Variants in MAPK6 observed in about 807,000 individuals in gnomAD.
MAPK6 encodes mitogen-activated protein kinase 6, also known as ERK-3.
A neutral mutation model predicts 59.3 loss-of-function variants in MAPK6; 19 were observed. That is an observed-to-expected ratio of 0.32 (90% CI 0.22 to 0.47). MAPK6 has a LOEUF of 0.47. Ranked by LOEUF, MAPK6 falls within the 20% of genes least tolerant of loss-of-function variation. The probability of loss-of-function intolerance (pLI) is 1.00; values close to 1 mark genes in which losing one functional copy is unlikely to be tolerated. For missense variants in MAPK6, 724 were observed against 847.9 expected, an observed-to-expected ratio of 0.85 and a Z score of 1.81; for synonymous variants, 316 against 290.3, an observed-to-expected ratio of 1.09 and a Z score of -0.90.
chr15:52,028,866 A>G (rs888605158), intron 1 of MAPK6, among the ~76,000 whole-genome samples: 11 of 152,136 alleles, frequency 7.2e-5, no homozygotes, highest in Non-Finnish European at 1.3e-4. Flanking sequence ...CATTCTTACC[A>G]CTAAAACTAC....
intron 2 of MAPK6, among the ~76,000 whole-genome samples, chr15:51,995,859 C>T (rs1446906632): frequency 6.6e-6 from 1 of 151,822 alleles, no homozygotes; most frequent in Non-Finnish European, 1.5e-5. Flanking sequence ...ACCCGGGAGG[C>T]AGAGGTGGCA....
intron 1 of MAPK6, among the ~76,000 whole-genome samples, chr15:52,023,997 A>G (rs1027464455): frequency 6.6e-6 from 1 of 152,234 alleles, no homozygotes; most frequent in African/African-American, 2.4e-5. Flanking sequence ...GAATGTTTGT[A>G]TAGCAAATAC....
At chr15:51,996,454 G>T (rs1378378169) in intron 2 of MAPK6, among the ~76,000 whole-genome samples, 1 of 152,034 alleles carries the variant, frequency 6.6e-6, no homozygotes, top group Non-Finnish European at 1.5e-5. Flanking sequence ...GGAGTGCAGT[G>T]GTGCAATCTT....
chr15:52,042,750 A>G (rs2031466999), intron 1 of MAPK6: 1 of 152,198 alleles, frequency 6.6e-6, no homozygotes, highest in Non-Finnish European at 1.5e-5. Flanking sequence ...TCATTTGTCT[A>G]TAGAACTGAC....
chr15:52,022,137 A>G (rs531179478), intron 1 of MAPK6, among the ~76,000 whole-genome samples: 31 of 152,320 alleles, frequency 2.0e-4, no homozygotes, highest in African/African-American at 7.5e-4. Flanking sequence ...CAGTCTGGGC[A>G]ACATAACGAG....
chr15:52,061,614 A>AATTAAAATT, intron 5 of MAPK6, 114 bp downstream of exon 5: 1 of 824,214 alleles, frequency 1.2e-6, no homozygotes, highest in Non-Finnish European at 1.9e-6. Context: ...AAAATTTAGT[A>AATTAAAATT]ATGTAAAGAT....
chr15:52,026,229 G>A (rs2030768831), intron 1 of MAPK6, among the ~76,000 whole-genome samples: 1 of 152,168 alleles, frequency 6.6e-6, no homozygotes, highest in African/African-American at 2.4e-5. Flanking sequence ...AGATTGATCT[G>A]CTGTTTATGT....
rs181211302 is a variant in MAPK6 at position 52,055,074 on chromosome 15, C to T, written c.701-3559C>T. Reference sequence around the variant, plus strand: ...GGATTACAGGCAAGAGCCACCGTGTCCGGCCAAGTGGACACATTTTAAAGC... The same window carrying T: ...GGATTACAGGCAAGAGCCACCGTGTTCGGCCAAGTGGACACATTTTAAAGC... On this transcript the variant is annotated intron_variant, in intron 3 of 5. Transcript: ENST00000261845. Among the ~76,000 whole-genome samples, 296 of 152,302 alleles carry T rather than the reference C, an allele frequency of 1.9e-3. 2 individuals carry two copies. The highest frequency in any genetic ancestry group is 3.1e-3 in the Non-Finnish European group (211 of 68,030).
chr15:51,995,185 T>G (rs2057220940), intron 2 of MAPK6, among the ~76,000 whole-genome samples: 1 of 152,166 alleles, frequency 6.6e-6, no homozygotes, highest in African/African-American at 2.4e-5. Flanking sequence ...GTAAACTGTA[T>G]GTAAGGAAGG....
chr15:52,030,771 C>T lies in MAPK6; in HGVS notation c.-632+11395C>T, dbSNP rs1232416079. ...CCTCCCGAGTAGCTGGGACTACAGG[C>T]GTGTGCCACCATGCCCAGCTAATTT... is the stretch of plus-strand genomic sequence containing the variant. On this transcript the variant is annotated intron_variant, in intron 1 of 5. Coordinates refer to ENST00000261845, the MANE Select transcript of MAPK6 (RefSeq NM_002748.4). 2.0e-5 allele frequency among the ~76,000 whole-genome samples: 3 copies of T among 150,550 alleles called. No individual in the cohort carries two copies. In the East Asian group the frequency reaches 5.8e-4, roughly 29 times the overall value.
chr15:52,001,156 C>G (rs1415289627), intron 2 of MAPK6, among the ~76,000 whole-genome samples: 1 of 152,148 alleles, frequency 6.6e-6, no homozygotes, highest in Non-Finnish European at 1.5e-5. Context: ...AGTGTTCAGC[C>G]TCTTGCCTTC....
At chr15:51,987,818 T>G (rs1368084707) in intron 2 of MAPK6, among the ~76,000 whole-genome samples, 1 of 144,286 alleles carries the variant, frequency 6.9e-6, no homozygotes, top group Non-Finnish European at 1.5e-5. Flanking sequence ...CAGGCTGGAG[T>G]GCAATGGTGC....
chr15:52,031,433 T>C (rs369740252), intron 1 of MAPK6, among the ~76,000 whole-genome samples: 7 of 152,222 alleles, frequency 4.6e-5, no homozygotes, highest in Admixed American at 2.6e-4. Flanking sequence ...AAATAAAGAT[T>C]ATATTTTGCC....
At chr15:51,980,792 A>G (rs1163323431) in intron 1 of MAPK6, among the ~76,000 whole-genome samples, 2 of 150,996 alleles carry the variant, frequency 1.3e-5, no homozygotes, top group Non-Finnish European at 3.0e-5. Flanking sequence ...GGGTTTCACC[A>G]TGTTGGCCAG....
At chr15:52,034,708 T>C (rs1306825404) in intron 1 of MAPK6, among the ~76,000 whole-genome samples, 2 of 152,116 alleles carry the variant, frequency 1.3e-5, no homozygotes, top group Non-Finnish European at 2.9e-5. Context: ...TTTGTCTGTT[T>C]GTTTATTGAG....
chr15:52,050,619 T>C (rs2031746692), intron 3 of MAPK6, among the ~76,000 whole-genome samples: 1 of 152,202 alleles, frequency 6.6e-6, no homozygotes, highest in Admixed American at 6.5e-5. Flanking sequence ...ATGTCTTGTG[T>C]CATAAAGCAA....
exon 2 of MAPK6, among the ~76,000 whole-genome samples, chr15:51,983,258 G>A (rs2057180160): frequency 6.6e-6 from 1 of 152,004 alleles, no homozygotes; most frequent in Admixed American, 6.6e-5. Context: ...AGGCCAAGGT[G>A]GGCAGATCAC....
At chr15:51,983,988 T>TA (rs552159125) in intron 2 of MAPK6, among the ~76,000 whole-genome samples, 8,711 of 143,016 alleles carry the variant, frequency 0.061, 605 homozygotes, top group African/African-American at 0.16. Context: ...ACTGTCTCAT[T>TA]AAAAAAAAAA....
intron 1 of MAPK6, among the ~76,000 whole-genome samples, chr15:52,039,120 C>T (rs1452183524): frequency 6.6e-6 from 1 of 152,232 alleles, no homozygotes; most frequent in Admixed American, 6.5e-5. Flanking sequence ...TCAAGCGATT[C>T]TCCTGCCTCA....
Sources: allele counts gnomAD v4.1 joint callset (sites outside exome capture counted in the v4.1 genomes callset), GRCh38; gene constraint gnomAD v4.1.1; transcripts MANE v1.5; gene names NCBI Gene and HGNC (gene_info 2026-07-23, HGNC 2026-07-21).